Variants in TEAD4 observed in about 807,000 individuals in gnomAD.
TEAD4 encodes the protein transcriptional enhancer factor TEF-3.
TEAD4 carries 36 observed loss-of-function variants against 52.4 expected under a neutral mutation model. The observed-to-expected ratio is 0.69, with a 90% CI of 0.53 to 0.91. The LOEUF is 0.91. Ranked by LOEUF, TEAD4 falls within the 40% of genes least tolerant of loss-of-function variation. The pLI, the probability that TEAD4 is intolerant of heterozygous loss-of-function variation, is 0.00. For synonymous variants in TEAD4, 220 were observed against 231.0 expected (o/e 0.95, Z 0.43); for missense variants, 508 against 583.9 (o/e 0.87, Z 1.34).
chr12:3,013,747 G>A (rs987373523), intron 5 of TEAD4, among the ~76,000 whole-genome samples: 3 of 152,086 alleles, frequency 2.0e-5, no homozygotes, highest in Admixed American at 1.3e-4. Flanking sequence ...AAAAGCCACT[G>A]GGCTAGCTGG....
At chr12:3,038,968 C>A (rs985608273) in intron 11 of TEAD4, among the ~76,000 whole-genome samples, 1 of 152,186 alleles carries the variant, frequency 6.6e-6, no homozygotes, top group Admixed American at 6.5e-5. Context: ...ACCTCCTCAC[C>A]GTGCAGGCCA....
At chr12:2,987,033 G>A (rs1591566661) in intron 2 of TEAD4, among the ~76,000 whole-genome samples, 2 of 152,340 alleles carry the variant, frequency 1.3e-5, no homozygotes, top group Admixed American at 1.3e-4. Flanking sequence ...TTTCCTGAGA[G>A]AGAGCCGAGG....
chr12:3,028,437 G>A (rs1383550662), intron 10 of TEAD4, among the ~76,000 whole-genome samples: 1 of 152,112 alleles, frequency 6.6e-6, no homozygotes, highest in African/African-American at 2.4e-5. Context: ...GAGGGTATGA[G>A]GATCCTATTT....
In TEAD4 at chr12:2,966,655, C is replaced by T. The variant is rs370749777; in HGVS notation, c.-30+6615C>T. Among the ~76,000 whole-genome samples, 4 of 152,082 alleles carry T rather than the reference C, an allele frequency of 2.6e-5. No individual in the cohort carries two copies. In the South Asian group the frequency reaches 8.3e-4, roughly 32 times the overall value. ...TTCGAACTCCTGACCTTGTGATCTG[C>T]CCGCCTTGACCTCCCAGAGTGTTGG... On this transcript the variant is annotated intron_variant, in intron 2 of 12. Transcript: ENST00000359864.
At chr12:2,961,631 A>G (rs2098215387) in intron 2 of TEAD4, among the ~76,000 whole-genome samples, 1 of 152,006 alleles carries the variant, frequency 6.6e-6, no homozygotes, top group African/African-American at 2.4e-5. Context: ...GGGTAATACG[A>G]GCGGAGCTTT....
intron 3 of TEAD4, among the ~76,000 whole-genome samples, chr12:3,009,915 G>A (rs558585150): frequency 1.6e-4 from 24 of 152,322 alleles, no homozygotes; most frequent in Admixed American, 2.6e-4. Context: ...GGCCTTGGCC[G>A]TGCACTCTGG....
intron 10 of TEAD4, among the ~76,000 whole-genome samples, chr12:3,024,631 G>T (rs2098270894): frequency 6.6e-6 from 1 of 152,038 alleles, no homozygotes; most frequent in East Asian, 1.9e-4. Context: ...CATTCCAGCC[G>T]GGTGACAGAG....
At chr12:2,962,327 A>AATATATATATAAATATATAAATATAT (rs745423413) in intron 2 of TEAD4, among the ~76,000 whole-genome samples, 62 of 112,740 alleles carry the variant, frequency 5.5e-4, no homozygotes, top group Non-Finnish European at 3.5e-4. Context: ...TATATATATA[A>AATATATATATAAATATATAAATATAT]ATATAAATAT....
In TEAD4 at chr12:2,963,580, G is replaced by A. The variant is rs1417066905; in HGVS notation, c.-30+3540G>A. Among the ~76,000 whole-genome samples the A allele has an allele frequency of 2.0e-5, 3 of 152,198 alleles. No homozygotes were observed. In the East Asian group the frequency reaches 5.8e-4, roughly 29 times the overall value. Reference sequence around the variant, plus strand: ...GTGGGGGCAGGGCTTTGTCACTGGGGAGAACACGGTCTCCAGCTCCTATCT... The same window carrying A: ...GTGGGGGCAGGGCTTTGTCACTGGGAAGAACACGGTCTCCAGCTCCTATCT... On this transcript the variant is annotated intron_variant, in intron 2 of 12. Coordinates refer to ENST00000359864, the MANE Select transcript of TEAD4 (RefSeq NM_003213.4).
chr12:2,996,348 C>T (rs1274752799), intron 3 of TEAD4, among the ~76,000 whole-genome samples: 1 of 152,140 alleles, frequency 6.6e-6, no homozygotes, highest in Non-Finnish European at 1.5e-5. Context: ...CTAGACTCTC[C>T]CTGCTTTGAC....
intron 2 of TEAD4, among the ~76,000 whole-genome samples, chr12:2,972,433 A>AAGAAGGTC (rs1192573688): frequency 2.0e-5 from 3 of 151,164 alleles, no homozygotes; most frequent in African/African-American, 7.3e-5. Flanking sequence ...TGGGCAGGAT[A>AAGAAGGTC]AGAAGGTCTT....
intron 2 of TEAD4, among the ~76,000 whole-genome samples, chr12:2,992,270 C>T (rs1006168496): frequency 2.0e-5 from 3 of 152,086 alleles, no homozygotes; most frequent in Admixed American, 1.3e-4. Flanking sequence ...CCACCCGCCT[C>T]GGCCTCCCAA....
intron 2 of TEAD4, among the ~76,000 whole-genome samples, chr12:2,972,324 C>A (rs753522038): frequency 2.0e-5 from 3 of 152,020 alleles, no homozygotes; most frequent in Non-Finnish European, 2.9e-5. Flanking sequence ...TCAAGCCATC[C>A]TCCCGTCTCG....
intron 7 of TEAD4, 128 bp from the exon 8 acceptor site, chr12:3,018,987 C>A: frequency 8.4e-7 from 1 of 1,189,084 alleles, no homozygotes; most frequent in Non-Finnish European, 1.2e-6. Context: ...GAGTAGGAGG[C>A]CAAGGCCCAT....
chr12:2,989,576 T>G lies in TEAD4; in HGVS notation c.-29-5162T>G, dbSNP rs369228806. Among the ~76,000 whole-genome samples, 62 of 152,206 alleles carry G rather than the reference T, an allele frequency of 4.1e-4. No homozygotes were observed. In the East Asian group the frequency reaches 8.1e-3, roughly 20 times the overall value. ...GCCTCAGCCTCCCAAGTAGCTGGGA[T>G]GACAGGCGCCCACCACCACGCCCAG... On this transcript the variant is annotated intron_variant, in intron 2 of 12. Coordinates refer to ENST00000359864, the MANE Select transcript of TEAD4 (RefSeq NM_003213.4).
At chr12:3,024,733 C>T (rs954324067) in intron 10 of TEAD4, among the ~76,000 whole-genome samples, 22 of 152,216 alleles carry the variant, frequency 1.4e-4, no homozygotes, top group Admixed American at 1.1e-3. Flanking sequence ...ACCTCTTGTA[C>T]AACTTTTTTT....
At position 2,994,351 on chromosome 12, in the gene TEAD4, C is replaced by T. The variant is rs2098245493; in HGVS notation, c.-29-387C>T. Among the ~76,000 whole-genome samples the T allele has an allele frequency of 1.3e-5, 2 of 152,220 alleles. No individual in the cohort carries two copies. The highest frequency in any genetic ancestry group is 2.1e-4 in the South Asian group (1 of 4,834). On this transcript the variant is annotated intron_variant, in intron 2 of 12. Transcript: ENST00000359864. The surrounding 1 kb of genome is among the most constrained non-coding windows in gnomAD (Gnocchi z 4.7). ...TCAGCCTCCCAGAGTGCTGGGATTACAGGCGTGAGCCACAGCGCCCGGCCT... is the reference window on the plus strand; with the variant it reads ...TCAGCCTCCCAGAGTGCTGGGATTATAGGCGTGAGCCACAGCGCCCGGCCT...
chr12:3,026,742 C>T (rs1183471675), intron 10 of TEAD4, among the ~76,000 whole-genome samples: 2 of 152,116 alleles, frequency 1.3e-5, no homozygotes, highest in African/African-American at 2.4e-5. Context: ...CAGTTGATGA[C>T]ATTTTGTTTT....
At chr12:2,961,267 G>A (rs1423134615) in intron 2 of TEAD4, among the ~76,000 whole-genome samples, 1 of 152,148 alleles carries the variant, frequency 6.6e-6, no homozygotes. Context: ...CCCAGTAGAA[G>A]AATCCCTCAT....
Sources: gnomAD v4.1 joint callset for allele counts (sites outside exome capture counted in the v4.1 genomes callset) on GRCh38, gnomAD v4.1.1 for gene constraint, Gnocchi (gnomAD v3.1) non-coding constraint, MANE v1.5 for transcripts, NCBI Gene and HGNC (gene_info 2026-07-23, HGNC 2026-07-21) for gene names.